VPS13A: variants seen among roughly 807,000 people sequenced by gnomAD.
VPS13A encodes the protein vacuolar protein sorting 13 homolog A, also known as intermembrane lipid transfer protein VPS13A.
Under a neutral mutation model 390.9 loss-of-function variants are expected in VPS13A, and 264 were observed. The observed-to-expected ratio is 0.68, with a 90% CI of 0.61 to 0.75. VPS13A has a LOEUF of 0.75. Among genes scored for constraint, VPS13A ranks in the 30% least tolerant of loss-of-function variants. The pLI is 0.00. For synonymous variants in VPS13A, 1,231 were observed against 1,227.1 expected (o/e 1.00, Z -0.07); for missense variants, 3,409 against 3,733.9 (o/e 0.91, Z 2.27).
intron 59 of VPS13A, among the ~76,000 whole-genome samples, chr9:77,361,135 T>C (rs1268991785): frequency 6.6e-6 from 1 of 152,080 alleles, no homozygotes; most frequent in East Asian, 1.9e-4. Context: ...GAGGTATAGA[T>C]CACATACCAT....
At chr9:77,300,987 C>A (rs1828312543) in intron 33 of VPS13A, among the ~76,000 whole-genome samples, 1 of 152,118 alleles carries the variant, frequency 6.6e-6, no homozygotes, top group Non-Finnish European at 1.5e-5. Flanking sequence ...ACATAATAAA[C>A]TATTAAAATG....
rs1823756960 is a variant in VPS13A at position 77,178,094 on chromosome 9, C to G, written c.100+290C>G. On this transcript the variant is annotated intron_variant, in intron 1 of 71. Transcript: ENST00000360280. ...CCGTGGGCTCCGTGGGTCTGGCGTT[C>G]AAGTCCCGGCGAGGGGCCGTTCTCT... The G allele has an allele frequency of 8.1e-6, 3 of 371,226 alleles. No homozygotes were observed. In the Admixed American group the frequency reaches 1.2e-4, roughly 15 times the overall value. The allele number at this position is 371,226 out of a possible 1,614,324, so 23.0% of individuals were successfully genotyped here. A position where few individuals can be genotyped will look rare whatever the true frequency, so the allele number is the denominator to read the frequency against.
Position 77,270,109 on chromosome 9 carries a change from G to A in VPS13A, c.2428-3171G>A, listed in dbSNP as rs571567878. Reference sequence around the variant, plus strand: ...TGGCAGCTCTGGCAATCTCATATACGTTTTGGTACCAAGCAGTGAGTTGTT... The same window carrying A: ...TGGCAGCTCTGGCAATCTCATATACATTTTGGTACCAAGCAGTGAGTTGTT... On this transcript the variant is annotated intron_variant, in intron 23 of 71. Coordinates refer to ENST00000360280, the MANE Select transcript of VPS13A (RefSeq NM_033305.3). Among the ~76,000 whole-genome samples the A allele has an allele frequency of 3.9e-5, 6 of 152,238 alleles. No homozygotes were observed. In the East Asian group the frequency reaches 1.2e-3, roughly 29 times the overall value.
At position 77,415,966 on chromosome 9, in the gene VPS13A, C is replaced by A; in HGVS notation, c.9485C>A (p.Thr3162Lys). Residue 3162 changes from threonine to lysine, a missense_variant, in exon 72 of 72, where the codon ACA (threonine) becomes AAA (lysine). Around this residue, in one of 5 missense-constraint regions of VPS13A, gnomAD observed 318 missense variants for 333.7 expected, o/e 0.95. Transcript: ENST00000360280. ...KTPEDARWILTKLQEAREPSP... is the reference protein window; with the variant it reads ...KTPEDARWILKKLQEAREPSP... Reference sequence around the variant, plus strand: ...ATTTTCCCACCGCAGTGGATCCTCACAAAGCTACAAGAAGCAAGAGAACCT... The same window carrying A: ...ATTTTCCCACCGCAGTGGATCCTCAAAAAGCTACAAGAAGCAAGAGAACCT... 6.2e-7 allele frequency: 1 copy of A among 1,613,486 alleles called. No individual in the cohort carries two copies. Among genetic ancestry groups the A allele is most frequent in the South Asian group, 1.1e-5 (1 of 91,074 alleles).
chr9:77,295,484 ATATTTAATAAG>A (rs1201625062), intron 32 of VPS13A, 47 bp from the exon 33 acceptor site: 1 of 1,381,878 alleles, frequency 7.2e-7, no homozygotes, highest in Non-Finnish European at 9.6e-7. Flanking sequence ...ATATCAATAT[ATATTTAATAAG>A]TCGTATTTAT....
intron 29 of VPS13A, 42 bp from the exon 30 acceptor site, chr9:77,283,313 A>G (rs1361562390): frequency 1.5e-5 from 18 of 1,181,914 alleles, no homozygotes; most frequent in Non-Finnish European, 2.3e-5. Context: ...TAACTACTAA[A>G]TGTTTTTCCT....
At chr9:77,269,344 C>T (rs905459291) in intron 23 of VPS13A, among the ~76,000 whole-genome samples, 1 of 152,072 alleles carries the variant, frequency 6.6e-6, no homozygotes, top group Non-Finnish European at 1.5e-5. Context: ...ATTGAGTTGA[C>T]TATATATGTG....
At chr9:77,205,501 G>T (rs980092782) in intron 4 of VPS13A, 93 bp downstream of exon 4, 6 of 549,370 alleles carry the variant, frequency 1.1e-5, no homozygotes, top group East Asian at 7.8e-5. Context: ...ATTTTTTTGA[G>T]ATTTTAATAT....
rs560246623 is a variant in VPS13A, at chr9:77,348,417, G to A, written c.7290-2900G>A. Among the ~76,000 whole-genome samples the A allele has an allele frequency of 3.3e-5, 5 of 152,260 alleles. No homozygotes were observed. The East Asian group carries it at 9.7e-4, about 29-fold the overall frequency. ...CTTATAAGTGGGAGCTGAACAATGA[G>A]AACACATGGACACAGGGAGGGGAAC... On this transcript the variant is annotated intron_variant, in intron 52 of 71. Coordinates refer to ENST00000360280, the MANE Select transcript of VPS13A (RefSeq NM_033305.3).
intron 68 of VPS13A, among the ~76,000 whole-genome samples, chr9:77,387,547 C>A (rs1054873483): frequency 3.3e-5 from 5 of 152,038 alleles, no homozygotes; most frequent in African/African-American, 4.8e-5. Flanking sequence ...TGAAAACGGG[C>A]AGGAAGAAAA....
chr9:77,416,064 T>A lies in VPS13A; in HGVS notation c.*58T>A. 1 of 1,589,118 alleles carries A rather than the reference T, an allele frequency of 6.3e-7. No individual in the cohort carries two copies. The highest frequency in any genetic ancestry group is 8.6e-7 in the Non-Finnish European group (1 of 1,157,810). ...AGTGATTACAGCTCCTAGACTACCT[T>A]CCAAAACCTGTTTGGGAAGCATATT... On this transcript the variant is annotated 3_prime_UTR_variant, in exon 72 of 72. Coordinates refer to ENST00000360280, the MANE Select transcript of VPS13A (RefSeq NM_033305.3).
At chr9:77,228,064 T>G (rs1823621494) in intron 16 of VPS13A, 58 bp from the exon 17 acceptor site, 1 of 1,245,616 alleles carries the variant, frequency 8.0e-7, no homozygotes, top group Non-Finnish European at 1.1e-6. Context: ...TATAAGAATA[T>G]TTGTTATGCT....
Position 77,305,163 on chromosome 9 carries a change from C to T in VPS13A, c.3960+2101C>T, listed in dbSNP as rs150866052. Among the ~76,000 whole-genome samples, 685 of 152,258 alleles carry T rather than the reference C, an allele frequency of 4.5e-3. 6 individuals carry two copies. The highest frequency in any genetic ancestry group is 0.015 in the African/African-American group (619 of 41,564). ...CCGTGTTAGCCAGGATGGTCTTGAT[C>T]TCCTGACCTCGTGATCCACCCCCCT... On this transcript the variant is annotated intron_variant, in intron 34 of 71. Coordinates refer to ENST00000360280, the MANE Select transcript of VPS13A (RefSeq NM_033305.3).
chr9:77,412,152 T>A (rs1187702062), intron 71 of VPS13A, among the ~76,000 whole-genome samples: 1 of 152,196 alleles, frequency 6.6e-6, no homozygotes, highest in South Asian at 2.1e-4. Flanking sequence ...CACAGCCGAA[T>A]TCTACCAGAG....
rs1218194466 is a variant in VPS13A, at chr9:77,209,548, T to C, written c.495+16T>C. 6.9e-7 allele frequency: 1 copy of C among 1,448,730 alleles called. No individual in the cohort carries two copies. Among genetic ancestry groups the C allele is most frequent in the Non-Finnish European group, 9.6e-7 (1 of 1,041,134 alleles). The allele number at this position is 1,448,730 out of a possible 1,614,324, so 89.7% of individuals were successfully genotyped here. A position where few individuals can be genotyped will look rare whatever the true frequency, so the allele number is the denominator to read the frequency against. The stretch of plus-strand genomic sequence containing the variant: ...TGAAGATGATGTAAGTATTTTAATA[T>C]GTGATATTTGTTTTTATATTTATAT... On this transcript the variant is annotated intron_variant, in intron 6 of 71. Transcript: ENST00000360280.
chr9:77,189,132 CT>C (rs542812911), intron 1 of VPS13A, among the ~76,000 whole-genome samples: 212 of 112,166 alleles, frequency 1.9e-3, no homozygotes, highest in South Asian at 0.016. Flanking sequence ...TCCCACTTGC[CT>C]TTTTTTTTTT....
chr9:77,222,131 A>G (rs1323029192), intron 13 of VPS13A, among the ~76,000 whole-genome samples: 9 of 152,104 alleles, frequency 5.9e-5, no homozygotes, highest in Non-Finnish European at 1.5e-5. Flanking sequence ...ATGAATTTCT[A>G]ATTTATAGAT....
At chr9:77,273,231 G>C in intron 23 of VPS13A, 49 bp from the exon 24 acceptor site, 7 of 1,410,922 alleles carry the variant, frequency 5.0e-6, no homozygotes, top group Non-Finnish European at 7.0e-6. Context: ...TGAATAAGCG[G>C]TGAATAAACA....
chr9:77,206,468 C>T (rs1391893316), intron 5 of VPS13A, among the ~76,000 whole-genome samples: 1 of 151,876 alleles, frequency 6.6e-6, no homozygotes, highest in Non-Finnish European at 1.5e-5. Flanking sequence ...AATTCTTCAC[C>T]CTTTTGGAGA....
Sources: allele counts gnomAD v4.1 joint callset (sites outside exome capture counted in the v4.1 genomes callset), GRCh38; gene constraint gnomAD v4.1.1; regional missense constraint gnomAD v4.1.1; transcripts MANE v1.5; gene names NCBI Gene and HGNC (gene_info 2026-07-23, HGNC 2026-07-21).